Variants in TRIQK observed in about 807,000 individuals in gnomAD.
TRIQK encodes the protein triple QxxK/R motif-containing protein.
TRIQK carries 10 observed loss-of-function variants against 10.8 expected under a neutral mutation model. That is an observed-to-expected ratio of 0.92 (90% CI 0.57 to 1.57). TRIQK has a LOEUF of 1.57. TRIQK is among the 40% of genes most tolerant of loss of function. The probability of loss-of-function intolerance (pLI) is 0.00; values close to 1 mark genes in which losing one functional copy is unlikely to be tolerated. For missense variants in TRIQK, 107 were observed against 97.7 expected (o/e 1.09, Z -0.40); for synonymous variants, 33 against 33.7 (o/e 0.98, Z 0.07).
intron 3 of TRIQK, among the ~76,000 whole-genome samples, chr8:92,905,593 A>G (rs552044206): frequency 6.6e-6 from 1 of 152,238 alleles, no homozygotes; most frequent in African/African-American, 2.4e-5. Flanking sequence ...TTTTAAACCT[A>G]TAGTACTTAT....
intron 1 of TRIQK, among the ~76,000 whole-genome samples, chr8:92,962,599 GAATGGAAAACCATTCTGGA>G (rs1812516199): frequency 6.6e-6 from 1 of 152,084 alleles, no homozygotes; most frequent in African/African-American, 2.4e-5. Context: ...GTGTCACCCA[GAATGGAAAACCATTCTGGA>G]AATGGAAAAC....
chr8:92,941,004 T>C (rs1026366437), intron 2 of TRIQK: 1 of 152,096 alleles, frequency 6.6e-6, no homozygotes, highest in African/African-American at 2.4e-5. Context: ...ACATAGAAAT[T>C]GAACAACATC....
chr8:92,960,620 G>A (rs1812410857), intron 1 of TRIQK: 1 of 152,140 alleles, frequency 6.6e-6, no homozygotes, highest in Non-Finnish European at 1.5e-5. Context: ...ATGTGGTCAG[G>A]AGACATGACA....
chr8:92,915,741 C>T (rs1809801912), intron 3 of TRIQK, among the ~76,000 whole-genome samples: 1 of 146,652 alleles, frequency 6.8e-6, no homozygotes, highest in Admixed American at 7.0e-5. Context: ...CCTTGTGATC[C>T]ACCTGCCTCG....
At chr8:92,933,087 C>T (rs1180353724) in intron 2 of TRIQK, among the ~76,000 whole-genome samples, 1 of 152,032 alleles carries the variant, frequency 6.6e-6, no homozygotes, top group Non-Finnish European at 1.5e-5. Context: ...ATACTGTTCA[C>T]AGGCCTTCTA....
chr8:92,889,662 CTAA>C (rs1353537841), intron 4 of TRIQK, among the ~76,000 whole-genome samples: 2 of 151,628 alleles, frequency 1.3e-5, no homozygotes, highest in African/African-American at 2.4e-5. Flanking sequence ...TCTCAATCAG[CTAA>C]TAATTCATAA....
At chr8:92,978,237 G>C (rs950091486) in intron 1 of TRIQK, among the ~76,000 whole-genome samples, 26 of 152,050 alleles carry the variant, frequency 1.7e-4, no homozygotes, top group African/African-American at 5.6e-4. Context: ...CTCTACCTGG[G>C]TCTCCTCTCC....
chr8:92,966,417 T>A (rs1243315588), upstream of TRIQK, among the ~76,000 whole-genome samples: 1 of 152,156 alleles, frequency 6.6e-6, no homozygotes, highest in African/African-American at 2.4e-5. Context: ...CACTCCCCAA[T>A]TCACAGGATC....
intron 1 of TRIQK, among the ~76,000 whole-genome samples, chr8:92,977,108 T>G (rs1812941188): frequency 6.6e-6 from 1 of 151,960 alleles, no homozygotes; most frequent in South Asian, 2.1e-4. Flanking sequence ...CATGTTGCCA[T>G]CTGGTATTAT....
chr8:92,986,324 A>G (rs140374554), intron 1 of TRIQK, among the ~76,000 whole-genome samples: 1 of 152,330 alleles, frequency 6.6e-6, no homozygotes, highest in Admixed American at 6.5e-5. Context: ...AAATAGACAC[A>G]TGCTTCATCT....
chr8:93,000,369 GA>G (rs1383669619), intron 1 of TRIQK, among the ~76,000 whole-genome samples: 6 of 152,200 alleles, frequency 3.9e-5, no homozygotes, highest in African/African-American at 1.4e-4. Context: ...AGAAGGTGAA[GA>G]AAGATCAAAG....
intron 1 of TRIQK, among the ~76,000 whole-genome samples, chr8:93,002,805 G>A (rs1049098291): frequency 4.0e-5 from 6 of 151,626 alleles, no homozygotes; most frequent in Non-Finnish European, 5.9e-5. Context: ...CTGTAATCCC[G>A]GCTACTTGGA....
At chr8:92,956,383 G>T (rs1309504380) in intron 1 of TRIQK, among the ~76,000 whole-genome samples, 3 of 151,698 alleles carry the variant, frequency 2.0e-5, no homozygotes, top group African/African-American at 7.3e-5. Flanking sequence ...GCTTAAGGGT[G>T]CAGAGGCAGA....
intron 1 of TRIQK, among the ~76,000 whole-genome samples, chr8:93,002,083 T>C (rs1813216809): frequency 6.6e-6 from 1 of 151,998 alleles, no homozygotes; most frequent in Non-Finnish European, 1.5e-5. Flanking sequence ...CAAATGGAAA[T>C]TGCAATACAG....
rs533730771 is a variant in TRIQK at position 92,892,027 on chromosome 8, A to C, written c.109T>G (p.Leu37Val). 7.8e-6 allele frequency: 12 copies of C among 1,533,702 alleles called. No homozygotes were observed. Among genetic ancestry groups the C allele is most frequent in the Non-Finnish European group, 1.0e-5 (12 of 1,144,524 alleles). ...KTKPILRATK[L>V]KAEAKKTAIG... ...GCTGTTTTCTTTGCTTCTGCTTTTA[A>C]TTTGGTTGCTCGTAAAATAGGTTTA... The change falls in exon 4 of 5, where the codon TTA (leucine) becomes GTA (valine). Residue 37 changes from leucine to valine, a missense_variant. Transcript: ENST00000521988.
chr8:92,969,115 G>A (rs1433389080), upstream of TRIQK, among the ~76,000 whole-genome samples: 1 of 152,112 alleles, frequency 6.6e-6, no homozygotes, highest in Non-Finnish European at 1.5e-5. Flanking sequence ...GGTTGTAGGT[G>A]TGTGGTGTTA....
chr8:92,972,708 A>G (rs1812887664), intron 1 of TRIQK: 1 of 152,260 alleles, frequency 6.6e-6, no homozygotes, highest in Non-Finnish European at 1.5e-5. Flanking sequence ...ACTAAGTAGA[A>G]GGCTAAGCAG....
rs1002556283 is a variant in TRIQK, at chr8:92,885,862, C to T, written c.*760G>A. The T allele has an allele frequency of 4.0e-5, 6 of 151,698 alleles. No homozygotes were observed. The East Asian group carries it at 5.8e-4, about 15-fold the overall frequency. The allele number at this position is 151,698 out of a possible 1,614,324, so 9.4% of individuals were successfully genotyped here. A position where few individuals can be genotyped will look rare whatever the true frequency, so the allele number is the denominator to read the frequency against. On this transcript the variant is annotated 3_prime_UTR_variant, in exon 5 of 5. Coordinates refer to ENST00000521988, the MANE Select transcript of TRIQK (RefSeq NM_001171797.2). Reference sequence around the variant, plus strand: ...TTACATATCTCCCTAACAAGAGGGGCGAACTGATACTACAAGCAGCCAGAA... The same window carrying T: ...TTACATATCTCCCTAACAAGAGGGGTGAACTGATACTACAAGCAGCCAGAA...
intron 2 of TRIQK, among the ~76,000 whole-genome samples, chr8:92,938,258 A>T (rs1328901690): frequency 6.6e-6 from 1 of 151,942 alleles, no homozygotes; most frequent in Admixed American, 6.6e-5. Flanking sequence ...TATATTTTAA[A>T]ATTTTTAATT....
Sources: gnomAD v4.1 joint callset for allele counts (sites outside exome capture counted in the v4.1 genomes callset) on GRCh38, gnomAD v4.1.1 for gene constraint, MANE v1.5 for transcripts, NCBI Gene and HGNC (gene_info 2026-07-23, HGNC 2026-07-21) for gene names.